Variants in ATP2B4 observed in about 807,000 individuals in gnomAD.
ATP2B4 encodes ATPase plasma membrane Ca2+ transporting 4, also known as plasma membrane calcium-transporting ATPase 4.
In ATP2B4, 39 loss-of-function variants were observed where a neutral mutation model predicts 110.3. That is an observed-to-expected ratio of 0.35 (90% confidence interval 0.27 to 0.46). The LOEUF (loss-of-function observed/expected upper bound fraction) is 0.46. ATP2B4 is among the 20% of genes least tolerant of loss of function. ATP2B4 has a pLI of 1.00. For synonymous variants in ATP2B4, 538 were observed against 571.7 expected, an observed-to-expected ratio of 0.94 and a Z score of 0.84; for missense variants, 1,135 against 1,530.9, an observed-to-expected ratio of 0.74 and a Z score of 4.32.
chr1:203,630,859 G>T (rs1663247200), intron 1 of ATP2B4, among the ~76,000 whole-genome samples: 1 of 152,222 alleles, frequency 6.6e-6, no homozygotes, highest in African/African-American at 2.4e-5. Flanking sequence ...CTTTTCTGCA[G>T]GTCATAGGAT....
chr1:203,663,465 CA>C (rs1368160527), intron 1 of ATP2B4, among the ~76,000 whole-genome samples: 1 of 152,158 alleles, frequency 6.6e-6, no homozygotes, highest in Non-Finnish European at 1.5e-5. Flanking sequence ...CACATACATT[CA>C]GCATGTCTCA....
intron 8 of ATP2B4, among the ~76,000 whole-genome samples, chr1:203,704,507 G>A (rs1477950890): frequency 5.2e-5 from 6 of 114,900 alleles, no homozygotes; most frequent in Non-Finnish European, 8.2e-5. Context: ...TTGAGATGGC[G>A]TCTTCCTCTG....
chr1:203,631,793 T>C (rs1663276732), intron 1 of ATP2B4, among the ~76,000 whole-genome samples: 2 of 152,088 alleles, frequency 1.3e-5, no homozygotes, highest in African/African-American at 4.8e-5. Context: ...GATTTTTGTT[T>C]GTTTGTTTGT....
At chr1:203,667,638 T>C (rs1247204976) in intron 1 of ATP2B4, among the ~76,000 whole-genome samples, 1 of 152,230 alleles carries the variant, frequency 6.6e-6, no homozygotes, top group East Asian at 1.9e-4. Flanking sequence ...CTGCGATGAT[T>C]AACTGCAGGA....
At chr1:203,731,849 C>CCAA (rs1553251871) in intron 20 of ATP2B4, among the ~76,000 whole-genome samples, 1 of 51,066 alleles carries the variant, frequency 2.0e-5, no homozygotes, top group Non-Finnish European at 3.2e-5. Flanking sequence ...GACTCTGTCT[C>CCAA]AAAAAAAAAA....
intron 20 of ATP2B4, among the ~76,000 whole-genome samples, chr1:203,733,991 C>T (rs996604379): frequency 4.6e-5 from 7 of 152,190 alleles, no homozygotes; most frequent in Admixed American, 3.9e-4. Flanking sequence ...CACTGTATTG[C>T]TGACTGGCAA....
At chr1:203,723,420 A>ATATCTCTC (rs1553251094) in intron 18 of ATP2B4, among the ~76,000 whole-genome samples, 3 of 44,536 alleles carry the variant, frequency 6.7e-5, no homozygotes, top group African/African-American at 2.9e-4. Flanking sequence ...TGAGACAGAT[A>ATATCTCTC]TCTCTCTCTC....
intron 18 of ATP2B4, among the ~76,000 whole-genome samples, chr1:203,723,253 A>G (rs1571765556): frequency 7.0e-6 from 1 of 142,662 alleles, no homozygotes; most frequent in Non-Finnish European, 1.5e-5. Flanking sequence ...CCCCATCCTC[A>G]ATTCCTTTTT....
chr1:203,735,900 G>A (rs180796445), intron 20 of ATP2B4, among the ~76,000 whole-genome samples: 173 of 152,308 alleles, frequency 1.1e-3, no homozygotes, highest in African/African-American at 4.1e-3. Flanking sequence ...AGAAGACTAA[G>A]CAGAAGACTG....
At position 203,672,024 on chromosome 1, in the gene ATP2B4, G is replaced by C. The variant is rs1351136556; in HGVS notation, c.-464-10718G>C. 3.9e-5 allele frequency among the ~76,000 whole-genome samples: 6 copies of C among 152,312 alleles called. No individual in the cohort carries two copies. In the East Asian group the frequency reaches 1.2e-3, roughly 29 times the overall value. ...TGATAGTGGCAGCTGGTGGGGGCTG[G>C]GGGGAGGGAGGAGTGCTGCTGTTAG... On this transcript the variant is annotated intron_variant, in intron 1 of 20. Transcript: ENST00000357681.
At chr1:203,697,526 G>T (rs943808090) in intron 2 of ATP2B4, among the ~76,000 whole-genome samples, 1 of 152,212 alleles carries the variant, frequency 6.6e-6, no homozygotes, top group African/African-American at 2.4e-5. Context: ...GTCTGGTTAA[G>T]AATTTATCCA....
intron 20 of ATP2B4, chr1:203,729,753 C>A (rs760165695): frequency 1.9e-5 from 26 of 1,347,818 alleles, no homozygotes; most frequent in Middle Eastern, 2.1e-4. Flanking sequence ...GGCCTCACAT[C>A]CAATTGGGCA....
chr1:203,640,689 A>C (rs1663599402), intron 1 of ATP2B4, among the ~76,000 whole-genome samples: 1 of 152,210 alleles, frequency 6.6e-6, no homozygotes, highest in Non-Finnish European at 1.5e-5. Context: ...TTTATTATTT[A>C]TGTGATAGGT....
intron 1 of ATP2B4, among the ~76,000 whole-genome samples, chr1:203,659,878 T>C (rs1324921382): frequency 6.6e-6 from 1 of 151,900 alleles, no homozygotes; most frequent in Admixed American, 6.6e-5. Context: ...GATCAGGAGT[T>C]CAAGATCAGC....
chr1:203,701,257 C>T (rs539536489), intron 6 of ATP2B4, among the ~76,000 whole-genome samples: 1 of 152,326 alleles, frequency 6.6e-6, no homozygotes, highest in South Asian at 2.1e-4. Context: ...TGTACTCCCC[C>T]TCCTTCCCCA....
At chr1:203,725,911 T>C (rs903796514) in intron 19 of ATP2B4, among the ~76,000 whole-genome samples, 63 of 142,200 alleles carry the variant, frequency 4.4e-4, no homozygotes, top group African/African-American at 1.6e-3. Flanking sequence ...TTTCTTTTTT[T>C]TTTTTTTTTT....
At chr1:203,657,221 G>A (rs1664188559) in intron 1 of ATP2B4, 1 of 731,556 alleles carries the variant, frequency 1.4e-6, no homozygotes, top group Non-Finnish European at 2.5e-6. Context: ...TTCTTGAAAT[G>A]CATATTGGCC....
chr1:203,716,560 A>G lies in ATP2B4; in HGVS notation c.2406+2283A>G, dbSNP rs1666163788. Among the ~76,000 whole-genome samples the G allele has an allele frequency of 2.1e-5, 3 of 145,036 alleles. 1 individual carries two copies. The highest frequency in any genetic ancestry group is 2.1e-4 in the Admixed American group (3 of 14,548). Reference sequence around the variant, plus strand: ...TTGAGGGCAAGCATTCTGAGAGCCCATTTCCCAGAAGCCAGCCAAGGGCCC... The same window carrying G: ...TTGAGGGCAAGCATTCTGAGAGCCCGTTTCCCAGAAGCCAGCCAAGGGCCC... On this transcript the variant is annotated intron_variant, in intron 15 of 20. Transcript: ENST00000357681.
intron 2 of ATP2B4, among the ~76,000 whole-genome samples, chr1:203,691,521 A>G (rs116093359): frequency 6.7e-4 from 102 of 152,306 alleles, no homozygotes; most frequent in African/African-American, 2.4e-3. Context: ...AAAAAAGGCC[A>G]AGAGCAGGGG....
Sources: gnomAD v4.1 joint callset for allele counts (sites outside exome capture counted in the v4.1 genomes callset) on GRCh38, gnomAD v4.1.1 for gene constraint, MANE v1.5 for transcripts, NCBI Gene and HGNC (gene_info 2026-07-23, HGNC 2026-07-21) for gene names.